The following SLC25A48 variants were observed in gnomAD, a reference collection of about 807,000 sequenced individuals.
SLC25A48 encodes CTC-321K16.1.
SLC25A48 carries 29 observed loss-of-function variants against 32.2 expected under a neutral mutation model. The ratio of observed to expected loss-of-function variants is 0.90; its 90% CI spans 0.67 to 1.23. The LOEUF is 1.23. SLC25A48 is among the 50% of genes most tolerant of loss of function. SLC25A48 has a pLI of 0.00. For synonymous variants in SLC25A48, 164 were observed against 172.3 expected (o/e 0.95, Z 0.38); for missense variants, 399 against 422.7 (o/e 0.94, Z 0.49).
intron 3 of SLC25A48, among the ~76,000 whole-genome samples, chr5:135,706,519 AT>A (rs200907860): frequency 8.1e-6 from 1 of 122,888 alleles, no homozygotes; most frequent in Non-Finnish European, 2.0e-5. Context: ...AATACTCAAT[AT>A]TTATCAACCA....
At chr5:135,783,322 T>A (rs1268123378) in intron 3 of SLC25A48, among the ~76,000 whole-genome samples, 1 of 115,294 alleles carries the variant, frequency 8.7e-6, no homozygotes, top group Non-Finnish European at 2.2e-5. Flanking sequence ...TTGCAGGGGG[T>A]GTACAATCCC....
chr5:135,714,927 G>T (rs6862612), intron 3 of SLC25A48: 64,648 of 152,260 alleles, frequency 0.42, 14,942 homozygotes, highest in Non-Finnish European at 0.52. Flanking sequence ...CCTGGGGTCT[G>T]TGGGCAATGA....
intron 3 of SLC25A48, among the ~76,000 whole-genome samples, chr5:135,710,923 A>C (rs1754640197): frequency 6.6e-6 from 1 of 152,216 alleles, no homozygotes; most frequent in African/African-American, 2.4e-5. Flanking sequence ...TTTCCTAAAA[A>C]TCCATCATGT....
At chr5:135,863,425 G>A (rs778419987) in intron 4 of SLC25A48, among the ~76,000 whole-genome samples, 9 of 152,190 alleles carry the variant, frequency 5.9e-5, no homozygotes, top group Non-Finnish European at 1.2e-4. Context: ...AGGCATAGAA[G>A]TGACAGTTGA....
chr5:135,867,687 A>G (rs903952096), intron 4 of SLC25A48, among the ~76,000 whole-genome samples: 3 of 152,256 alleles, frequency 2.0e-5, no homozygotes, highest in Non-Finnish European at 2.9e-5. Flanking sequence ...CAGTATTACT[A>G]TAAGTGCATC....
chr5:135,801,092 C>T (rs1757310983), intron 3 of SLC25A48, among the ~76,000 whole-genome samples: 1 of 151,472 alleles, frequency 6.6e-6, no homozygotes, highest in East Asian at 2.0e-4. Flanking sequence ...TGTAAACCCC[C>T]CTGTGATGTT....
intron 1 of SLC25A48, among the ~76,000 whole-genome samples, chr5:135,601,811 C>T (rs574992964): frequency 6.6e-6 from 1 of 152,358 alleles, no homozygotes; most frequent in East Asian, 1.9e-4. Flanking sequence ...GTCACGTGTG[C>T]AAGCTTTGAT....
chr5:135,624,757 CAG>C lies in SLC25A48; in HGVS notation c.-848-4479_-848-4478del. 2.6e-5 allele frequency among the ~76,000 whole-genome samples: 4 copies of C among 152,326 alleles called. No individual in the cohort carries two copies. The South Asian group carries it at 8.3e-4, about 32-fold the overall frequency. Reference sequence around the variant, plus strand: ...TGAGTCTGTAGATACATAGAAAAGACAGTGATTGTTTTTGGCTGGTGTGGCTG... The same window carrying C: ...TGAGTCTGTAGATACATAGAAAAGACTGATTGTTTTTGGCTGGTGTGGCTG... On this transcript the variant is annotated intron_variant, in intron 1 of 10. Transcript: ENST00000646290.
At chr5:135,709,454 GAGCCTGATACAA>G (rs1340840625) in intron 3 of SLC25A48, among the ~76,000 whole-genome samples, 7 of 152,250 alleles carry the variant, frequency 4.6e-5, no homozygotes, top group African/African-American at 1.7e-4. Flanking sequence ...ATCAGCCAGA[GAGCCTGATACAA>G]ATCTAAATTC....
chr5:135,652,895 T>C (rs1753149483), intron 3 of SLC25A48, among the ~76,000 whole-genome samples: 1 of 152,134 alleles, frequency 6.6e-6, no homozygotes, highest in Non-Finnish European at 1.5e-5. Context: ...GTATCAGAAA[T>C]TTCATCTCCA....
intron 3 of SLC25A48, among the ~76,000 whole-genome samples, chr5:135,776,452 A>G (rs4510577): frequency 1.8e-4 from 27 of 151,738 alleles, no homozygotes; most frequent in African/African-American, 6.5e-4. Context: ...GACATTACTT[A>G]TAATACCGCA....
At chr5:135,713,095 A>G (rs1175509914) in intron 3 of SLC25A48, among the ~76,000 whole-genome samples, 2 of 152,206 alleles carry the variant, frequency 1.3e-5, no homozygotes, top group Non-Finnish European at 2.9e-5. Flanking sequence ...TTGCTATGCA[A>G]TATATGTTCC....
intron 3 of SLC25A48, among the ~76,000 whole-genome samples, chr5:135,730,310 T>C (rs781058493): frequency 2.6e-5 from 4 of 152,150 alleles, no homozygotes; most frequent in Admixed American, 1.3e-4. Flanking sequence ...GGGGGCCAAG[T>C]CTTTCCCATG....
At chr5:135,705,676 G>T (rs928787010) in intron 3 of SLC25A48, among the ~76,000 whole-genome samples, 1 of 152,172 alleles carries the variant, frequency 6.6e-6, no homozygotes, top group African/African-American at 2.4e-5. Context: ...CTTATGGTTT[G>T]TTATATCTGG....
At chr5:135,774,686 T>C (rs963396468) in intron 3 of SLC25A48, among the ~76,000 whole-genome samples, 2 of 151,622 alleles carry the variant, frequency 1.3e-5, no homozygotes, top group African/African-American at 4.8e-5. Flanking sequence ...TCCTGTACTA[T>C]TGTTCCCAAT....
chr5:135,770,088 G>C (rs1356085657), intron 3 of SLC25A48, among the ~76,000 whole-genome samples: 1 of 151,438 alleles, frequency 6.6e-6, no homozygotes, highest in African/African-American at 2.4e-5. Context: ...TAATAGCCGG[G>C]GGGGAGACAA....
At chr5:135,778,494 G>A (rs1021281091) in intron 3 of SLC25A48, among the ~76,000 whole-genome samples, 1 of 151,582 alleles carries the variant, frequency 6.6e-6, no homozygotes, top group African/African-American at 2.4e-5. Context: ...TGTCCAGGGA[G>A]GAAGAGGATG....
At chr5:135,716,909 C>G (rs938642405) in intron 3 of SLC25A48, among the ~76,000 whole-genome samples, 1 of 152,180 alleles carries the variant, frequency 6.6e-6, no homozygotes, top group African/African-American at 2.4e-5. Flanking sequence ...AGAAATGTTT[C>G]CCCTAATCAC....
intron 3 of SLC25A48, among the ~76,000 whole-genome samples, chr5:135,772,418 A>T (rs1756436008): frequency 6.6e-6 from 1 of 151,644 alleles, no homozygotes; most frequent in Non-Finnish European, 1.5e-5. Context: ...GGGGAAGAGG[A>T]TGATATTACT....
Sources: gnomAD v4.1 joint callset for allele counts (sites outside exome capture counted in the v4.1 genomes callset) on GRCh38, gnomAD v4.1.1 for gene constraint, MANE v1.5 for transcripts, NCBI Gene and HGNC (gene_info 2026-07-23, HGNC 2026-07-21) for gene names.